The following SLX4IP variants were observed in gnomAD, a reference collection of about 807,000 sequenced individuals.
SLX4IP encodes the protein protein SLX4IP.
A neutral mutation model predicts 32.9 loss-of-function variants in SLX4IP; 34 were observed. That is an observed-to-expected ratio of 1.03 (90% confidence interval 0.79 to 1.38). The LOEUF (loss-of-function observed/expected upper bound fraction) is 1.38, where lower values mean the gene tolerates loss of function less well. Among genes scored for constraint, SLX4IP ranks in the 40% most tolerant of loss-of-function variants. The pLI is 0.00. For missense variants in SLX4IP, 444 were observed against 479.0 expected (o/e 0.93, Z 0.68); for synonymous variants, 172 against 171.7 (o/e 1.00, Z -0.01).
intron 2 of SLX4IP, among the ~76,000 whole-genome samples, chr20:10,549,019 A>G (rs2066192165): frequency 6.6e-6 from 1 of 152,202 alleles, no homozygotes. Flanking sequence ...TGTAAACTAC[A>G]AGCTTGGATT....
chr20:10,571,765 G>A (rs987384011), intron 4 of SLX4IP, among the ~76,000 whole-genome samples: 2 of 152,132 alleles, frequency 1.3e-5, no homozygotes, highest in African/African-American at 4.8e-5. Context: ...CGGCTCACAG[G>A]TCCCATTTTC....
intron 2 of SLX4IP, among the ~76,000 whole-genome samples, chr20:10,516,088 A>G (rs1237193723): frequency 1.3e-5 from 2 of 152,160 alleles, no homozygotes; most frequent in South Asian, 2.1e-4. Context: ...GGGTTTCACC[A>G]TGCTGTCTGG....
At chr20:10,527,965 C>T (rs1045230040) in intron 2 of SLX4IP, among the ~76,000 whole-genome samples, 35 of 152,116 alleles carry the variant, frequency 2.3e-4, no homozygotes, top group African/African-American at 7.7e-4. Flanking sequence ...TAACCCCCAG[C>T]CTGTCTTATC....
chr20:10,447,091 C>T (rs755388237), intron 1 of SLX4IP, among the ~76,000 whole-genome samples: 15 of 152,112 alleles, frequency 9.9e-5, no homozygotes, highest in African/African-American at 3.4e-4. Flanking sequence ...TGTATGAGAT[C>T]GAGTCCAATT....
At position 10,622,884 on chromosome 20, in the gene SLX4IP, TC is replaced by T. The variant is rs758556466; in HGVS notation, c.733del (p.Gln245ArgfsTer19). Reference sequence around the variant, plus strand: ...CTGTTCAAAAGCTGGAAAAAGTTAATCAGACCCAGCCAGAAGACACTAGTGG... The same window carrying T: ...CTGTTCAAAAGCTGGAAAAAGTTAATAGACCCAGCCAGAAGACACTAGTGG... ...LPVQKLEKVN[Q>X]TQPEDTSGQQ... On this transcript the variant is annotated frameshift_variant, in exon 8 of 8. Transcript: ENST00000334534. LOFTEE classifies it high-confidence loss of function. 6.2e-7 allele frequency: 1 copy of T among 1,613,904 alleles called. No individual in the cohort carries two copies. Among genetic ancestry groups the T allele is most frequent in the South Asian group, 1.1e-5 (1 of 91,078 alleles).
intron 2 of SLX4IP, among the ~76,000 whole-genome samples, chr20:10,512,884 G>T (rs991232829): frequency 2.3e-5 from 3 of 130,506 alleles, no homozygotes; most frequent in Non-Finnish European, 4.8e-5. Flanking sequence ...TCTCCCTCCT[G>T]CCTTAGCTTC....
chr20:10,475,521 T>C (rs945264852), intron 2 of SLX4IP, among the ~76,000 whole-genome samples: 4 of 152,196 alleles, frequency 2.6e-5, no homozygotes, highest in Non-Finnish European at 5.9e-5. Context: ...TAGCTTCAGG[T>C]TGCCCATGGC....
chr20:10,497,757 A>G (rs979677753), intron 2 of SLX4IP, among the ~76,000 whole-genome samples: 3 of 152,096 alleles, frequency 2.0e-5, no homozygotes, highest in African/African-American at 7.2e-5. Context: ...ACTTTTCTTA[A>G]TATTAGAATT....
rs576883028 is a variant in SLX4IP at position 10,548,269 on chromosome 20, C to T, written c.28-7962C>T. Among the ~76,000 whole-genome samples the T allele has an allele frequency of 4.0e-5, 6 of 151,364 alleles. No individual in the cohort carries two copies. In the East Asian group the frequency reaches 5.8e-4, roughly 15 times the overall value. On this transcript the variant is annotated intron_variant, in intron 2 of 7. Coordinates refer to ENST00000334534, the MANE Select transcript of SLX4IP (RefSeq NM_001009608.3). ...CTTTTTTTTTTCTGAAACGGAGTCT[C>T]GCTCTGTCGCCCAGGCTGGAGTGCA...
chr20:10,560,641 A>G, intron 3 of SLX4IP, 59 bp from the exon 4 acceptor site: 3 of 1,252,666 alleles, frequency 2.4e-6, no homozygotes, highest in South Asian at 3.5e-5. Context: ...TTTTTAATAT[A>G]TATGTTAATT....
Position 10,518,476 on chromosome 20 carries a change from T to C in SLX4IP, c.28-37755T>C, listed in dbSNP as rs1201779495. Among the ~76,000 whole-genome samples, 112 of 46,400 alleles carry C rather than the reference T, an allele frequency of 2.4e-3. 2 individuals carry two copies. The highest frequency in any genetic ancestry group is 3.5e-3 in the Non-Finnish European group (60 of 16,988). 30.4% of individuals were successfully genotyped at this position (46,400 alleles called of 152,430 possible). On this transcript the variant is annotated intron_variant, in intron 2 of 7. Coordinates refer to ENST00000334534, the MANE Select transcript of SLX4IP (RefSeq NM_001009608.3). The stretch of plus-strand genomic sequence containing the variant: ...CTTCCTTCCTTCCTTTCCTTTCTTT[T>C]CCTTTCCTTTCCTTTTCCTTCCTTC...
intron 2 of SLX4IP, among the ~76,000 whole-genome samples, chr20:10,471,361 A>G (rs2065423462): frequency 6.6e-6 from 1 of 152,252 alleles, no homozygotes. Context: ...GGTAGTTTGC[A>G]GTGAGAAATT....
intron 2 of SLX4IP, among the ~76,000 whole-genome samples, chr20:10,490,650 T>C (rs1040110422): frequency 2.6e-5 from 4 of 152,204 alleles, no homozygotes; most frequent in African/African-American, 9.6e-5. Context: ...ATGGAGAGAC[T>C]TGAAACCCAA....
intron 2 of SLX4IP, among the ~76,000 whole-genome samples, chr20:10,518,452 T>C (rs1333708310): frequency 0.25 from 18,765 of 76,282 alleles, 3,014 homozygotes; most frequent in South Asian, 0.45. Context: ...CCTTCCTTCC[T>C]TCCTTCCTTC....
intron 2 of SLX4IP, among the ~76,000 whole-genome samples, chr20:10,475,068 AAGGCTAAGCC>A (rs1208736322): frequency 2.6e-5 from 4 of 152,226 alleles, no homozygotes. Context: ...ATTATCTGCC[AAGGCTAAGCC>A]AGGATCCCTA....
chr20:10,617,361 C>G (rs1232601), intron 6 of SLX4IP, among the ~76,000 whole-genome samples: 2 of 152,036 alleles, frequency 1.3e-5, no homozygotes, highest in African/African-American at 4.8e-5. Context: ...AAGGCTCCCT[C>G]TGTGCCTCTG....
chr20:10,520,243 G>A (rs1198341896), intron 2 of SLX4IP, among the ~76,000 whole-genome samples: 1 of 151,746 alleles, frequency 6.6e-6, no homozygotes, highest in African/African-American at 2.4e-5. Flanking sequence ...GTAGAGATGG[G>A]GTTTCACCGT....
chr20:10,614,326 CT>C (rs1200222720), intron 6 of SLX4IP: 2 of 579,058 alleles, frequency 3.5e-6, no homozygotes, highest in Non-Finnish European at 6.1e-6. Flanking sequence ...CATTGAATAG[CT>C]TTTTTTCATC....
At chr20:10,452,682 T>A (rs28560121) in intron 1 of SLX4IP, among the ~76,000 whole-genome samples, 736 of 106,334 alleles carry the variant, frequency 6.9e-3, no homozygotes, top group African/African-American at 8.4e-3. Flanking sequence ...AAAAAAAAAA[T>A]ATATATATAT....
Sources: gnomAD v4.1 joint callset for allele counts (sites outside exome capture counted in the v4.1 genomes callset) on GRCh38, gnomAD v4.1.1 for gene constraint, MANE v1.5 for transcripts, NCBI Gene and HGNC (gene_info 2026-07-23, HGNC 2026-07-21) for gene names.